The following CSMD1 variants were observed in gnomAD, a reference collection of about 807,000 sequenced individuals.
CSMD1 encodes CUB and sushi domain-containing protein 1.
In CSMD1, 213 loss-of-function variants were observed where a neutral mutation model predicts 417.5. That is an observed-to-expected ratio of 0.51 (90% CI 0.46 to 0.57). The LOEUF (loss-of-function observed/expected upper bound fraction) is 0.57, where lower values mean the gene tolerates loss of function less well. Among genes scored for constraint, CSMD1 ranks in the 20% least tolerant of loss-of-function variants. The probability of loss-of-function intolerance (pLI) is 0.00; values close to 1 mark genes in which losing one functional copy is unlikely to be tolerated. For synonymous variants in CSMD1, 2,862 were observed against 1,736.8 expected, an observed-to-expected ratio of 1.65 and a Z score of -16.11; for missense variants, 6,923 against 4,529.7, an observed-to-expected ratio of 1.53 and a Z score of -15.17.
At chr8:4,906,066 C>A (rs1009396184) in intron 1 of CSMD1, among the ~76,000 whole-genome samples, 1 of 152,018 alleles carries the variant, frequency 6.6e-6, no homozygotes. Flanking sequence ...AACTTTCAGA[C>A]CCTCTCACCT....
intron 5 of CSMD1, among the ~76,000 whole-genome samples, chr8:3,834,040 C>G (rs990808554): frequency 2.6e-5 from 4 of 152,132 alleles, no homozygotes; most frequent in African/African-American, 9.7e-5. Flanking sequence ...GACACGGTCA[C>G]TAATGTAAAG....
chr8:3,996,072 C>A (rs749082387), intron 5 of CSMD1, among the ~76,000 whole-genome samples: 1 of 152,182 alleles, frequency 6.6e-6, no homozygotes. Flanking sequence ...CTTTTCAGAA[C>A]ACGCTTCTCA....
At chr8:4,761,876 T>C (rs542018360) in intron 1 of CSMD1, among the ~76,000 whole-genome samples, 1 of 93,904 alleles carries the variant, frequency 1.1e-5, no homozygotes, top group South Asian at 4.0e-4. Context: ...TCTATCTATC[T>C]ATCTATCTAT....
intron 3 of CSMD1, among the ~76,000 whole-genome samples, chr8:4,183,714 GA>G (rs754249127): frequency 1.3e-5 from 2 of 152,210 alleles, no homozygotes; most frequent in East Asian, 3.8e-4. Context: ...ATCAAATGAT[GA>G]AAAATAATAT....
intron 46 of CSMD1, among the ~76,000 whole-genome samples, chr8:3,100,527 C>T (rs1262877469): frequency 6.6e-6 from 1 of 152,190 alleles, no homozygotes; most frequent in Non-Finnish European, 1.5e-5. Context: ...AGCAATCACA[C>T]ATTAGAAAAC....
At position 4,555,969 on chromosome 8, in the gene CSMD1, T is replaced by C. The variant is rs544981214; in HGVS notation, c.302+81373A>G. ...TTTAGGAAGTGAATTTCTTTTTCTATATAAAATGATTGATTTTCTGTAAGT... is the reference window on the plus strand; with the variant it reads ...TTTAGGAAGTGAATTTCTTTTTCTACATAAAATGATTGATTTTCTGTAAGT... On this transcript the variant is annotated intron_variant, in intron 2 of 69. Coordinates refer to ENST00000635120, the MANE Select transcript of CSMD1 (RefSeq NM_033225.6). 5.9e-5 allele frequency among the ~76,000 whole-genome samples: 9 copies of C among 152,268 alleles called. No individual in the cohort carries two copies. In the South Asian group the frequency reaches 1.2e-3, roughly 21 times the overall value.
At chr8:4,162,954 T>C (rs1257691076) in intron 3 of CSMD1, among the ~76,000 whole-genome samples, 6 of 152,184 alleles carry the variant, frequency 3.9e-5, no homozygotes, top group Non-Finnish European at 5.9e-5. Context: ...CAGTTCTGCC[T>C]TTTCCAAAAT....
chr8:3,993,981 G>T (rs1814962206), intron 5 of CSMD1, among the ~76,000 whole-genome samples: 1 of 152,176 alleles, frequency 6.6e-6, no homozygotes, highest in Non-Finnish European at 1.5e-5. Context: ...TGGGTTCACA[G>T]GGGCAAACTG....
chr8:3,122,303 A>C (rs1340646500), intron 41 of CSMD1, among the ~76,000 whole-genome samples: 2 of 152,216 alleles, frequency 1.3e-5, no homozygotes, highest in Non-Finnish European at 2.9e-5. Flanking sequence ...AAAATGAATG[A>C]ATGTTCCAGT....
At chr8:4,470,866 A>C (rs954665837) in intron 2 of CSMD1, among the ~76,000 whole-genome samples, 3 of 152,192 alleles carry the variant, frequency 2.0e-5, no homozygotes, top group East Asian at 1.9e-4. Context: ...GAGTTATGTA[A>C]AACTGAATTA....
intron 52 of CSMD1, among the ~76,000 whole-genome samples, chr8:3,009,864 C>T (rs2128962054): frequency 6.6e-6 from 1 of 152,340 alleles, no homozygotes; most frequent in Non-Finnish European, 1.5e-5. Flanking sequence ...CTCTGCTTCA[C>T]ACATCTTAGT....
chr8:3,364,343 G>C (rs1301309740), intron 20 of CSMD1, among the ~76,000 whole-genome samples: 1 of 152,132 alleles, frequency 6.6e-6, no homozygotes, highest in South Asian at 2.1e-4. Flanking sequence ...GTGTGCAACT[G>C]TCTAGATGAA....
At chr8:3,631,906 C>G (rs576616563) in intron 7 of CSMD1, among the ~76,000 whole-genome samples, 95 of 152,114 alleles carry the variant, frequency 6.2e-4, no homozygotes, top group Non-Finnish European at 1.3e-3. Context: ...AGTAGACTGA[C>G]GAAGCAAAAC....
At chr8:3,947,413 C>A (rs1381377640) in intron 5 of CSMD1, among the ~76,000 whole-genome samples, 1 of 152,158 alleles carries the variant, frequency 6.6e-6, no homozygotes, top group African/African-American at 2.4e-5. Flanking sequence ...TTTTATAAAT[C>A]ACTGGATCTT....
intron 31 of CSMD1, among the ~76,000 whole-genome samples, chr8:3,202,379 A>G (rs1797035253): frequency 6.6e-6 from 1 of 152,218 alleles, no homozygotes; most frequent in South Asian, 2.1e-4. Context: ...TCTGGCATAT[A>G]ATAGGAATCC....
At chr8:4,881,247 A>C (rs1310761170) in intron 1 of CSMD1, among the ~76,000 whole-genome samples, 3 of 152,150 alleles carry the variant, frequency 2.0e-5, no homozygotes, top group Non-Finnish European at 4.4e-5. Flanking sequence ...TGAGTTATCA[A>C]TATGTGGTCT....
intron 49 of CSMD1, among the ~76,000 whole-genome samples, chr8:3,078,061 A>G (rs1813816995): frequency 6.6e-6 from 1 of 152,210 alleles, no homozygotes; most frequent in African/African-American, 2.4e-5. Context: ...TTATTTCTCA[A>G]CGCGAAGCAC....
At chr8:3,973,385 C>T (rs1312712934) in intron 5 of CSMD1, among the ~76,000 whole-genome samples, 1 of 152,188 alleles carries the variant, frequency 6.6e-6, no homozygotes, top group Non-Finnish European at 1.5e-5. Context: ...CATGTATTCA[C>T]CTACTGTTGT....
At chr8:3,967,457 G>GAA (rs10560472) in intron 5 of CSMD1, among the ~76,000 whole-genome samples, 5 of 149,414 alleles carry the variant, frequency 3.3e-5, no homozygotes, top group Admixed American at 2.0e-4. Context: ...TTGCTAAAAG[G>GAA]AAAAAAAAAA....
Sources: allele counts gnomAD v4.1 joint callset (sites outside exome capture counted in the v4.1 genomes callset), GRCh38; gene constraint gnomAD v4.1.1; transcripts MANE v1.5; gene names NCBI Gene and HGNC (gene_info 2026-07-23, HGNC 2026-07-21).